ZFHX3: variants seen among roughly 807,000 people sequenced by gnomAD.
ZFHX3 encodes zinc finger homeobox protein 3.
In ZFHX3, 42 loss-of-function variants were observed where a neutral mutation model predicts 279.1. The ratio of observed to expected loss-of-function variants is 0.15; its 90% CI spans 0.12 to 0.19. The LOEUF is 0.19. ZFHX3 is among the 10% of genes least tolerant of loss of function. The probability of loss-of-function intolerance (pLI) is 1.00; values close to 1 mark genes in which losing one functional copy is unlikely to be tolerated. For synonymous variants in ZFHX3, 2,293 were observed against 1,957.8 expected, an observed-to-expected ratio of 1.17 and a Z score of -4.52; for missense variants, 4,981 against 4,754.0, an observed-to-expected ratio of 1.05 and a Z score of -1.40.
intron 3 of ZFHX3, among the ~76,000 whole-genome samples, chr16:73,403,625 C>T (rs1030124655): frequency 3.9e-5 from 6 of 152,054 alleles, no homozygotes; most frequent in Non-Finnish European, 7.3e-5. Flanking sequence ...TCAAAAGTAC[C>T]GTGGAGTTGA....
chr16:73,393,070 G>C (rs2017053164), intron 3 of ZFHX3, among the ~76,000 whole-genome samples: 1 of 152,162 alleles, frequency 6.6e-6, no homozygotes, highest in Admixed American at 6.5e-5. Flanking sequence ...CCTGACCTCA[G>C]GTGACCTGCC....
intron 1 of ZFHX3, among the ~76,000 whole-genome samples, chr16:73,724,432 C>T (rs59737684): frequency 0.015 from 2,272 of 152,298 alleles, 59 homozygotes; most frequent in African/African-American, 0.052. Context: ...AGCTCACATC[C>T]TCATGGGGCA....
intron 5 of ZFHX3, among the ~76,000 whole-genome samples, chr16:72,817,589 T>G (rs768161691): frequency 2.6e-5 from 4 of 152,202 alleles, no homozygotes; most frequent in Non-Finnish European, 1.5e-5. Flanking sequence ...AGTGCGCTGT[T>G]GGCATGGCTG....
chr16:72,805,901 T>TG (rs916292092), intron 7 of ZFHX3: 24 of 152,500 alleles, frequency 1.6e-4, no homozygotes, highest in African/African-American at 5.8e-4. Context: ...TTTCTTTCTT[T>TG]TTTTTTTTGA....
At chr16:73,833,364 A>G (rs1161371069) in intron 1 of ZFHX3, among the ~76,000 whole-genome samples, 1 of 152,196 alleles carries the variant, frequency 6.6e-6, no homozygotes, top group Non-Finnish European at 1.5e-5. Context: ...GCTTAAAAAA[A>G]TTATTTAGAA....
Position 73,780,598 on chromosome 16 carries a change from C to T in ZFHX3, c.-1607-100358G>A, listed in dbSNP as rs530476877. ...GCTGGATTACAGGCATGCGCCACCA[C>T]GCCCAGCTAATTTTTGTATTTTTAA... is the stretch of plus-strand genomic sequence containing the variant. On this transcript the variant is annotated intron_variant, in intron 1 of 17. Coordinates refer to the ZFHX3 transcript ENST00000641206. Among the ~76,000 whole-genome samples, 16 of 152,078 alleles carry T rather than the reference C, an allele frequency of 1.1e-4. No individual in the cohort carries two copies. In the South Asian group the frequency reaches 1.7e-3, roughly 16 times the overall value.
chr16:73,311,918 A>G (rs1483200808), intron 4 of ZFHX3, among the ~76,000 whole-genome samples: 1 of 152,160 alleles, frequency 6.6e-6, no homozygotes, highest in Non-Finnish European at 1.5e-5. Context: ...GAAGCTCAAA[A>G]TCAAACAGAA....
chr16:73,235,772 A>G (rs1407819992), intron 5 of ZFHX3, among the ~76,000 whole-genome samples: 1 of 152,094 alleles, frequency 6.6e-6, no homozygotes, highest in Non-Finnish European at 1.5e-5. Context: ...TCCTGGGCTC[A>G]AGCAATCCTC....
intron 4 of ZFHX3, among the ~76,000 whole-genome samples, chr16:73,306,952 A>C (rs1220463016): frequency 6.6e-6 from 1 of 152,220 alleles, no homozygotes. Context: ...TTCACTGATC[A>C]AGTTACCAAT....
chr16:73,210,907 T>A (rs2011991460), intron 5 of ZFHX3, among the ~76,000 whole-genome samples: 1 of 152,128 alleles, frequency 6.6e-6, no homozygotes, highest in South Asian at 2.1e-4. Flanking sequence ...AGCAAAACCA[T>A]AGCCTTCCAA....
chr16:73,684,614 A>G (rs2053059772), intron 1 of ZFHX3, among the ~76,000 whole-genome samples: 1 of 152,140 alleles, frequency 6.6e-6, no homozygotes, highest in Non-Finnish European at 1.5e-5. Flanking sequence ...TGCAGATGGA[A>G]TTAAGATTGC....
rs1263282795 is a variant in ZFHX3 at position 72,787,424 on chromosome 16, G to A, written c.10852C>T (p.Pro3618Ser). 8 of 1,508,656 alleles carry A rather than the reference G, an allele frequency of 5.3e-6. No individual in the cohort carries two copies. Among genetic ancestry groups the A allele is most frequent in the Non-Finnish European group, 4.5e-6 (5 of 1,116,642 alleles). 93.5% of individuals were successfully genotyped at this position (1,508,656 alleles called of 1,614,324 possible). The change falls in exon 10 of 10, where the codon CCG becomes TCG. Residue 3618 changes from proline to serine, a missense_variant. Pro to Ser is a moderately conservative substitution (Grantham distance 74). Coordinates refer to ENST00000268489, the MANE Select transcript of ZFHX3 (RefSeq NM_006885.4). ...ASPHASRKSW[P>S]QVVSRASAAK... The stretch of plus-strand genomic sequence containing the variant: ...GCCGAAGCCCGGGAGACCACTTGCG[G>A]CCAAGACTTCCTGGAGGCGTGGGGG...
intron 7 of ZFHX3, among the ~76,000 whole-genome samples, chr16:73,113,793 C>CTTTT (rs71391487): frequency 0.56 from 57,896 of 102,732 alleles, 17,338 homozygotes; most frequent in Middle Eastern, 0.62. Flanking sequence ...TTTTTGGAAA[C>CTTTT]TTTTTTTTTT....
chr16:73,686,897 A>G (rs746924423), intron 1 of ZFHX3, among the ~76,000 whole-genome samples: 10 of 151,188 alleles, frequency 6.6e-5, no homozygotes, highest in Admixed American at 5.9e-4. Flanking sequence ...TTCACCCTGT[A>G]TTCACCACCC....
chr16:73,439,765 G>A (rs1218118820), intron 3 of ZFHX3, among the ~76,000 whole-genome samples: 3 of 151,888 alleles, frequency 2.0e-5, no homozygotes, highest in East Asian at 3.9e-4. Context: ...TTCTCTTTAC[G>A]GGTGCTCCTT....
intron 1 of ZFHX3, among the ~76,000 whole-genome samples, chr16:73,695,242 G>T (rs200611969): frequency 0.015 from 2,090 of 139,214 alleles, 46 homozygotes; most frequent in Non-Finnish European, 0.022. Flanking sequence ...GTTTTTTTTT[G>T]TTTTTTTTTT....
At chr16:73,701,552 T>C (rs58967658) in intron 1 of ZFHX3, among the ~76,000 whole-genome samples, 2,959 of 152,330 alleles carry the variant, frequency 0.019, 106 homozygotes, top group African/African-American at 0.068. Flanking sequence ...ATAATTTTTC[T>C]TTTTATTATT....
intron 4 of ZFHX3, among the ~76,000 whole-genome samples, chr16:72,840,156 T>C (rs762379147): frequency 1.2e-4 from 18 of 152,306 alleles, no homozygotes; most frequent in Non-Finnish European, 2.5e-4. Context: ...TATTTATTTA[T>C]TTTTAATTGG....
At chr16:73,641,661 T>A (rs907230396) in intron 2 of ZFHX3, among the ~76,000 whole-genome samples, 1 of 152,074 alleles carries the variant, frequency 6.6e-6, no homozygotes, top group Admixed American at 6.6e-5. Context: ...CTTAGATGTA[T>A]AAAATGGACA....
Sources: gnomAD v4.1 joint callset for allele counts (sites outside exome capture counted in the v4.1 genomes callset) on GRCh38, gnomAD v4.1.1 for gene constraint, MANE v1.5 for transcripts, NCBI Gene and HGNC (gene_info 2026-07-23, HGNC 2026-07-21) for gene names.